The following PDCD1LG2 variants were observed in gnomAD, a reference collection of about 807,000 sequenced individuals.
PDCD1LG2 encodes B7 dendritic cell molecule.
PDCD1LG2 carries 32 observed loss-of-function variants against 28.2 expected under a neutral mutation model. The observed-to-expected ratio is 1.13, with a 90% CI of 0.86 to 1.52. The LOEUF is 1.52. Ranked by LOEUF, PDCD1LG2 falls within the 40% of genes most tolerant of loss-of-function variation. PDCD1LG2 has a pLI of 0.00. For missense variants in PDCD1LG2, 385 were observed against 323.8 expected (o/e 1.19, Z -1.45); for synonymous variants, 116 against 120.2 (o/e 0.97, Z 0.23).
At chr9:5,558,367 T>G (rs1816489549) in intron 5 of PDCD1LG2, among the ~76,000 whole-genome samples, 1 of 152,226 alleles carries the variant, frequency 6.6e-6, no homozygotes, top group Non-Finnish European at 1.5e-5. Flanking sequence ...GGACAGAGCA[T>G]GCTGAAGCCT....
At chr9:5,562,654 TAAAAG>T (rs1816588998) in intron 5 of PDCD1LG2, among the ~76,000 whole-genome samples, 2 of 150,860 alleles carry the variant, frequency 1.3e-5, no homozygotes, top group African/African-American at 2.4e-5. Flanking sequence ...AAAAAAAAAT[TAAAAG>T]AAAGATGTGA....
At chr9:5,555,571 CG>C (rs1381756803) in intron 4 of PDCD1LG2, among the ~76,000 whole-genome samples, 4 of 152,192 alleles carry the variant, frequency 2.6e-5, no homozygotes, top group African/African-American at 9.7e-5. Flanking sequence ...AAGTATCTTT[CG>C]TTCCATGTAA....
At chr9:5,526,338 TC>T (rs1329491737) in intron 2 of PDCD1LG2, among the ~76,000 whole-genome samples, 1 of 152,178 alleles carries the variant, frequency 6.6e-6, no homozygotes, top group African/African-American at 2.4e-5. Flanking sequence ...CTTTGTCAGC[TC>T]CCCAGAAATG....
rs774978243 is a variant in PDCD1LG2 at position 5,534,789 on chromosome 9, C to T, written c.100C>T (p.His34Tyr). ...CCCTAAGGAACTGTACATAATAGAG[C>T]ATGGCAGCAATGTGACCCTGGAATG... ...TVPKELYIIE[H>Y]GSNVTLECNF... The change falls in exon 3 of 7, where the codon CAT becomes TAT. Residue 34 changes from histidine (H) to tyrosine (Y), a missense_variant. Transcript: ENST00000397747. The T allele has an allele frequency of 1.9e-5, 30 of 1,613,778 alleles. No homozygotes were observed. Among genetic ancestry groups the T allele is most frequent in the Non-Finnish European group, 2.2e-5 (26 of 1,179,884 alleles).
At chr9:5,525,205 C>T (rs992220857) in intron 2 of PDCD1LG2, among the ~76,000 whole-genome samples, 29 of 151,930 alleles carry the variant, frequency 1.9e-4, no homozygotes, top group African/African-American at 5.6e-4. Flanking sequence ...AAATATTAGC[C>T]GGGCATGGTG....
At position 5,558,503 on chromosome 9, in the gene PDCD1LG2, C is replaced by T. The variant is rs73641638; in HGVS notation, c.766+751C>T. The stretch of plus-strand genomic sequence containing the variant: ...GTGCTTTCCTAAACGGCTCCCTTGT[C>T]TGCACTCAATGAACTTCTCCAAAGA... On this transcript the variant is annotated intron_variant, in intron 5 of 6. Transcript: ENST00000397747. 3.2e-3 allele frequency among the ~76,000 whole-genome samples: 491 copies of T among 152,274 alleles called. 2 individuals carry two copies. Among genetic ancestry groups the T allele is most frequent in the African/African-American group, 0.011 (447 of 41,562 alleles).
intron 2 of PDCD1LG2, among the ~76,000 whole-genome samples, chr9:5,524,239 A>G (rs1239150552): frequency 6.6e-6 from 1 of 152,220 alleles, no homozygotes; most frequent in Non-Finnish European, 1.5e-5. Flanking sequence ...CAACAAAGCT[A>G]ATGTCCTTTC....
intron 2 of PDCD1LG2, among the ~76,000 whole-genome samples, chr9:5,527,184 C>T (rs1484348927): frequency 2.0e-5 from 3 of 152,100 alleles, no homozygotes; most frequent in Non-Finnish European, 4.4e-5. Context: ...AATTTATATA[C>T]CATAACATTT....
At chr9:5,514,036 G>C (rs996266288) in intron 1 of PDCD1LG2, among the ~76,000 whole-genome samples, 17 of 152,228 alleles carry the variant, frequency 1.1e-4, no homozygotes, top group African/African-American at 4.1e-4. Context: ...CACTGGGAGA[G>C]GGAAGAGGCA....
chr9:5,570,954 G>A lies in PDCD1LG2; in HGVS notation c.*995G>A, dbSNP rs991045055. 8.6e-6 allele frequency: 2 copies of A among 232,638 alleles called. No homozygotes were observed. The highest frequency in any genetic ancestry group is 4.4e-5 in the African/African-American group (2 of 45,310). The allele number at this position is 232,638 out of a possible 1,614,324, so 14.4% of individuals were successfully genotyped here. A position where few individuals can be genotyped will look rare whatever the true frequency, so the allele number is the denominator to read the frequency against. On this transcript the variant is annotated 3_prime_UTR_variant, in exon 7 of 7. Transcript: ENST00000397747. ...TGCAAGATCCCACTACATATGTGTGGAGCAGAAGGGTAACTCGGCTACAGT... is the reference window on the plus strand; with the variant it reads ...TGCAAGATCCCACTACATATGTGTGAAGCAGAAGGGTAACTCGGCTACAGT...
At chr9:5,567,982 T>C (rs545784791) in intron 6 of PDCD1LG2, among the ~76,000 whole-genome samples, 1 of 152,370 alleles carries the variant, frequency 6.6e-6, no homozygotes. Context: ...TTCTAAGAAC[T>C]TCCACCTGAG....
chr9:5,538,626 T>G (rs1213443989), intron 3 of PDCD1LG2, among the ~76,000 whole-genome samples: 1 of 151,598 alleles, frequency 6.6e-6, no homozygotes, highest in Non-Finnish European at 1.5e-5. Flanking sequence ...AGGCGGAGCT[T>G]GTAGTGAGCC....
chr9:5,541,101 A>T (rs536071251), intron 3 of PDCD1LG2, among the ~76,000 whole-genome samples: 4 of 152,344 alleles, frequency 2.6e-5, no homozygotes, highest in African/African-American at 9.6e-5. Flanking sequence ...AAACAGAATT[A>T]AAAACAAAAA....
At chr9:5,535,160 T>C in intron 3 of PDCD1LG2, 110 bp downstream of exon 3, 1 of 948,780 alleles carries the variant, frequency 1.1e-6, no homozygotes, top group South Asian at 1.8e-5. Context: ...AGGCTGCTTT[T>C]AAGGAGACAG....
At chr9:5,532,951 A>C (rs1820510295) in intron 2 of PDCD1LG2, among the ~76,000 whole-genome samples, 1 of 152,216 alleles carries the variant, frequency 6.6e-6, no homozygotes. Context: ...TGAAGCTCAT[A>C]AAGATTAAAG....
At chr9:5,548,486 AC>A (rs1586812254) in intron 3 of PDCD1LG2, among the ~76,000 whole-genome samples, 1 of 152,238 alleles carries the variant, frequency 6.6e-6, no homozygotes, top group East Asian at 1.9e-4. Context: ...TCTTCAACAT[AC>A]TAAATTCAAT....
chr9:5,543,345 C>T lies in PDCD1LG2; in HGVS notation c.362-5990C>T, dbSNP rs576536147. Among the ~76,000 whole-genome samples, 10 of 152,170 alleles carry T rather than the reference C, an allele frequency of 6.6e-5. No individual in the cohort carries two copies. The East Asian group carries it at 1.7e-3, about 26-fold the overall frequency. ...ACGAGGTCAGGAGATCAAGATCATC[C>T]TGGCTAACACGGTGAAACCCCGTCT... On this transcript the variant is annotated intron_variant, in intron 3 of 6. Transcript: ENST00000397747.
Position 5,549,326 on chromosome 9 carries a change from A to G in PDCD1LG2, c.362-9A>G, listed in dbSNP as rs374656879. On this transcript the variant is annotated splice_polypyrimidine_tract_variant and intron_variant, in intron 3 of 6. Transcript: ENST00000397747. ...AAAGTCTTATTTCTTTTTCTTCTCT[A>G]TTGTCCAGCTTCCTACAGGAAAATA... The G allele has an allele frequency of 2.2e-4, 358 of 1,604,546 alleles. No individual in the cohort carries two copies. Among genetic ancestry groups the G allele is most frequent in the Non-Finnish European group, 2.9e-4 (343 of 1,173,214 alleles).
intron 3 of PDCD1LG2, 110 bp from the exon 4 acceptor site, chr9:5,549,225 T>A: frequency 9.8e-7 from 1 of 1,020,464 alleles, no homozygotes; most frequent in Non-Finnish European, 1.4e-6. Flanking sequence ...ATAACCATTA[T>A]TACTTAATAT....
Sources: gnomAD v4.1 joint callset for allele counts (sites outside exome capture counted in the v4.1 genomes callset) on GRCh38, gnomAD v4.1.1 for gene constraint, MANE v1.5 for transcripts, NCBI Gene and HGNC (gene_info 2026-07-23, HGNC 2026-07-21) for gene names.